The following RUNX1T1 variants were observed in gnomAD, a reference collection of about 807,000 sequenced individuals.
The protein encoded by RUNX1T1 is RUNX1 partner transcriptional co-repressor 1, also known as protein CBFA2T1.
In RUNX1T1, 4 loss-of-function variants were observed where a neutral mutation model predicts 62.8. The observed-to-expected ratio is 0.06, with a 90% CI of 0.03 to 0.15. The LOEUF (loss-of-function observed/expected upper bound fraction) is 0.15, where lower values mean the gene tolerates loss of function less well. Ranked by LOEUF, RUNX1T1 falls within the 10% of genes least tolerant of loss-of-function variation. RUNX1T1 has a pLI of 1.00. For missense variants in RUNX1T1, 508 were observed against 754.3 expected (o/e 0.67, Z 3.82); for synonymous variants, 291 against 286.0 (o/e 1.02, Z -0.18).
intron 4 of RUNX1T1, 117 bp downstream of exon 5, chr8:92,010,885 A>C: frequency 1.6e-6 from 1 of 607,820 alleles, no homozygotes. Flanking sequence ...CGATTCAGAT[A>C]GTTTTCATCC....
At position 92,028,291 on chromosome 8, in the gene RUNX1T1, T is replaced by C. The variant is rs868321884; in HGVS notation, c.8-10928A>G. ...GACAGTTCAATAGAGCAAATGGTGG[T>C]TCTGGACAGAAAAATAATACTCATT... On this transcript the variant is annotated intron_variant, in intron 1 of 10. Transcript: ENST00000396218. Among the ~76,000 whole-genome samples the C allele has an allele frequency of 3.5e-4, 53 of 151,896 alleles. No individual in the cohort carries two copies. The South Asian group carries it at 3.6e-3, about 10-fold the overall frequency.
At chr8:91,965,630 T>C (rs537218969) in intron 10 of RUNX1T1, among the ~76,000 whole-genome samples, 1 of 152,192 alleles carries the variant, frequency 6.6e-6, no homozygotes, top group South Asian at 2.1e-4. Context: ...AAGTCAGTAT[T>C]CCCTAAACCC....
At chr8:92,017,403 A>C (rs1283526992) in intron 1 of RUNX1T1, 40 bp from the exon 3 acceptor site, 2 of 1,614,026 alleles carry the variant, frequency 1.2e-6, no homozygotes, top group East Asian at 2.2e-5. Flanking sequence ...TTACTCCTTA[A>C]GCACCTCAGT....
At chr8:91,966,445 AAAACTCT>A (rs1811633754) in intron 10 of RUNX1T1, among the ~76,000 whole-genome samples, 1 of 149,190 alleles carries the variant, frequency 6.7e-6, no homozygotes, top group African/African-American at 2.6e-5. Context: ...TTGGTAGTTT[AAAACTCT>A]AAACTATTAG....
At chr8:92,087,931 G>A (rs1328303752) in intron 1 of RUNX1T1, among the ~76,000 whole-genome samples, 2 of 152,172 alleles carry the variant, frequency 1.3e-5, no homozygotes, top group African/African-American at 4.8e-5. Context: ...AATGGAGACT[G>A]ATCACATTAA....
At chr8:92,067,726 G>A (rs190558491), upstream of RUNX1T1, among the ~76,000 whole-genome samples, 44 of 152,276 alleles carry the variant, frequency 2.9e-4, no homozygotes, top group African/African-American at 1.0e-3. Context: ...GTGCATTTAT[G>A]TGTATGTGTA....
chr8:92,044,416 G>A (rs1282274826), intron 1 of RUNX1T1, among the ~76,000 whole-genome samples: 1 of 152,140 alleles, frequency 6.6e-6, no homozygotes, highest in Non-Finnish European at 1.5e-5. Context: ...AGACTTGGAG[G>A]TGCATCTATG....
intron 2 of RUNX1T1, among the ~76,000 whole-genome samples, chr8:92,075,493 G>GT (rs1278736840): frequency 6.6e-6 from 1 of 152,170 alleles, no homozygotes; most frequent in Non-Finnish European, 1.5e-5. Context: ...TTGCCTAAAA[G>GT]TTTTTTAAAA....
chr8:92,059,343 T>C (rs377295268), intron 1 of RUNX1T1, among the ~76,000 whole-genome samples: 8 of 152,312 alleles, frequency 5.3e-5, no homozygotes, highest in Middle Eastern at 3.4e-3. Flanking sequence ...AAGTGCATTA[T>C]CCAAATGTTC....
chr8:92,031,802 C>T (rs1015910084), intron 1 of RUNX1T1, among the ~76,000 whole-genome samples: 3 of 151,870 alleles, frequency 2.0e-5, no homozygotes, highest in Admixed American at 6.6e-5. Context: ...CAAGGCCGGG[C>T]GTTTATTTAA....
exon 11 of RUNX1T1, chr8:91,960,083 C>T (rs1269410878): frequency 2.1e-5 from 15 of 727,538 alleles, no homozygotes; most frequent in South Asian, 1.7e-4. Flanking sequence ...TTTACTACCA[C>T]CTCAAGATAC....
At chr8:92,098,107 C>G (rs1837872240) in intron 1 of RUNX1T1, among the ~76,000 whole-genome samples, 1 of 152,216 alleles carries the variant, frequency 6.6e-6, no homozygotes, top group African/African-American at 2.4e-5. Context: ...AGATAAAAAT[C>G]TAGCATTTTC....
chr8:92,082,297 G>T (rs1432540610), intron 1 of RUNX1T1, among the ~76,000 whole-genome samples: 1 of 152,162 alleles, frequency 6.6e-6, no homozygotes, highest in Non-Finnish European at 1.5e-5. Flanking sequence ...TAGTGTGGCT[G>T]ACCCTGTTCA....
At chr8:92,017,799 A>G (rs1823306565) in intron 1 of RUNX1T1, 1 of 200,850 alleles carries the variant, frequency 5.0e-6, no homozygotes. Context: ...AGCTCTTTGT[A>G]ATGATTTTCT....
chr8:91,967,145 A>T (rs994012117), intron 10 of RUNX1T1, among the ~76,000 whole-genome samples: 1 of 152,228 alleles, frequency 6.6e-6, no homozygotes, highest in African/African-American at 2.4e-5. Context: ...TAAACGAGCT[A>T]AAGTATAGAA....
chr8:92,092,872 T>C (rs745921291), intron 1 of RUNX1T1, among the ~76,000 whole-genome samples: 1 of 152,182 alleles, frequency 6.6e-6, no homozygotes, highest in Non-Finnish European at 1.5e-5. Flanking sequence ...TTTTTTGTTT[T>C]TTTGTTTTTA....
Position 91,973,371 on chromosome 8 carries a change from A to G in RUNX1T1, c.1268-2523T>C, listed in dbSNP as rs539831432. Reference sequence around the variant, plus strand: ...GAATTTTTTGTACTTTTTTTTTGCAACTTTCCTGCATGTTTGAAATCATTT... The same window carrying G: ...GAATTTTTTGTACTTTTTTTTTGCAGCTTTCCTGCATGTTTGAAATCATTT... On this transcript the variant is annotated intron_variant, in intron 9 of 10. Transcript: ENST00000396218. 1.5e-4 allele frequency among the ~76,000 whole-genome samples: 23 copies of G among 151,984 alleles called. No homozygotes were observed. In the South Asian group the frequency reaches 4.1e-3, roughly 27 times the overall value.
upstream of RUNX1T1, chr8:92,103,099 G>A (rs1808448381): frequency 2.4e-6 from 1 of 420,562 alleles, no homozygotes; most frequent in Admixed American, 4.6e-5. Flanking sequence ...AAAAGCCCGG[G>A]GTCGGGGACG....
At chr8:92,076,079 C>T in exon 2 of RUNX1T1, 1 of 1,605,366 alleles carries the variant, frequency 6.2e-7, no homozygotes, top group Non-Finnish European at 8.5e-7. Context: ...TGCTAATTTC[C>T]TCTCTCCTTT....
Sources: gnomAD v4.1 joint callset for allele counts (sites outside exome capture counted in the v4.1 genomes callset) on GRCh38, gnomAD v4.1.1 for gene constraint, MANE v1.5 for transcripts, NCBI Gene and HGNC (gene_info 2026-07-23, HGNC 2026-07-21) for gene names.